The following GXYLT2 variants were observed in gnomAD, a reference collection of about 807,000 sequenced individuals.
GXYLT2 encodes glucoside xylosyltransferase 2, also known as glycosyltransferase 8 domain containing 4.
A neutral mutation model predicts 45.8 loss-of-function variants in GXYLT2; 53 were observed. The ratio of observed to expected loss-of-function variants is 1.16; its 90% CI spans 0.93 to 1.46. GXYLT2 has a LOEUF of 1.46. Ranked by LOEUF, GXYLT2 falls within the 40% of genes most tolerant of loss-of-function variation. The pLI is 0.00. For missense variants in GXYLT2, 551 were observed against 544.4 expected (o/e 1.01, Z -0.12); for synonymous variants, 219 against 214.2 (o/e 1.02, Z -0.19).
intron 2 of GXYLT2, among the ~76,000 whole-genome samples, chr3:72,917,067 G>C (rs765939371): frequency 3.3e-5 from 5 of 152,134 alleles, no homozygotes; most frequent in Non-Finnish European, 7.3e-5. Context: ...CCTTTCGGAA[G>C]ATAGGATGCT....
chr3:72,930,554 A>G (rs1438103537), intron 3 of GXYLT2, among the ~76,000 whole-genome samples: 1 of 148,688 alleles, frequency 6.7e-6, no homozygotes, highest in Non-Finnish European at 1.5e-5. Context: ...AGTAGGAGAT[A>G]TGAGTGCCCC....
At chr3:72,947,447 A>T (rs972039016) in intron 3 of GXYLT2, among the ~76,000 whole-genome samples, 1 of 152,182 alleles carries the variant, frequency 6.6e-6, no homozygotes, top group African/African-American at 2.4e-5. Flanking sequence ...GGAGAGGTAG[A>T]CGGAGTGTGT....
chr3:72,963,472 G>A (rs952617992), intron 5 of GXYLT2, among the ~76,000 whole-genome samples: 3 of 151,522 alleles, frequency 2.0e-5, no homozygotes, highest in South Asian at 2.1e-4. Flanking sequence ...TTGGGAGGCC[G>A]AGGCAGGCAG....
chr3:72,903,357 A>G (rs1709443166), intron 1 of GXYLT2, among the ~76,000 whole-genome samples: 1 of 152,204 alleles, frequency 6.6e-6, no homozygotes, highest in Non-Finnish European at 1.5e-5. Flanking sequence ...AAACTTGAGA[A>G]ACTATCAAAA....
chr3:72,929,942 G>T (rs1709996097), intron 3 of GXYLT2, among the ~76,000 whole-genome samples: 2 of 152,140 alleles, frequency 1.3e-5, no homozygotes, highest in Non-Finnish European at 2.9e-5. Context: ...CAAGGCAGGT[G>T]GATCACCTGA....
At chr3:72,967,487 C>A in intron 5 of GXYLT2, 60 bp from the exon 6 acceptor site, 1 of 1,296,336 alleles carries the variant, frequency 7.7e-7, no homozygotes, top group Non-Finnish European at 1.1e-6. Context: ...AATCGTGCCA[C>A]ATGTGCATGA....
rs902892233 is a variant in GXYLT2, at chr3:72,936,245, T to A, written c.600+13910T>A. Among the ~76,000 whole-genome samples the A allele has an allele frequency of 2.7e-5, 4 of 150,828 alleles. No individual in the cohort carries two copies. The South Asian group carries it at 8.3e-4, about 31-fold the overall frequency. On this transcript the variant is annotated intron_variant, in intron 3 of 6. Transcript: ENST00000389617. The stretch of plus-strand genomic sequence containing the variant: ...AGGCGGAGGTTGCAGTGAGCCAAGA[T>A]TGCGCCATTGCGCTCCAGCCTGGGT...
rs369835040 is a variant in GXYLT2, at chr3:72,908,463, G to T, written c.372G>T (p.Thr124=). Residue 124 remains threonine (T), a synonymous_variant, in exon 2 of 7, where the codon ACG becomes ACT. Transcript: ENST00000389617. ...VVACGNRLEE[T]LVMLKSAVLF... is the part of the protein sequence containing the mutation. ...CCTGTGGCAATCGGCTGGAGGAGAC[G>T]CTGGTCATGCTCAAATCAGCTGTGC... is the stretch of plus-strand genomic sequence containing the variant. The T allele has an allele frequency of 4.3e-6, 7 of 1,613,914 alleles. No homozygotes were observed. The highest frequency in any genetic ancestry group is 5.9e-6 in the Non-Finnish European group (7 of 1,179,836).
At chr3:72,929,684 C>T (rs572827517) in intron 3 of GXYLT2, 49 of 658,244 alleles carry the variant, frequency 7.4e-5, no homozygotes, top group African/African-American at 6.7e-4. Flanking sequence ...TTTACTTTTT[C>T]TATAAGTTGC....
intron 2 of GXYLT2, among the ~76,000 whole-genome samples, chr3:72,921,603 G>T (rs1341522933): frequency 6.6e-6 from 1 of 151,704 alleles, no homozygotes; most frequent in Admixed American, 6.6e-5. Flanking sequence ...TAATTTTTGT[G>T]TTTTTTAGTA....
At position 72,943,523 on chromosome 3, in the gene GXYLT2, C is replaced by A. The variant is rs1013243653; in HGVS notation, c.601-11575C>A. Among the ~76,000 whole-genome samples, 4 of 151,506 alleles carry A rather than the reference C, an allele frequency of 2.6e-5. No individual in the cohort carries two copies. The East Asian group carries it at 7.8e-4, about 30-fold the overall frequency. ...TCCCGAGTAGCTGGGACCACAGGCA[C>A]GCCCCACCACGCCTGGCTAACTTTT... On this transcript the variant is annotated intron_variant, in intron 3 of 6. Transcript: ENST00000389617.
chr3:72,895,925 T>C (rs1420882315), intron 1 of GXYLT2, among the ~76,000 whole-genome samples: 3 of 152,226 alleles, frequency 2.0e-5, no homozygotes, highest in African/African-American at 7.2e-5. Flanking sequence ...ATCCAAGCTT[T>C]ACATAAGACA....
intron 3 of GXYLT2, among the ~76,000 whole-genome samples, chr3:72,926,255 C>T (rs571257877): frequency 1.3e-5 from 2 of 152,340 alleles, no homozygotes; most frequent in Non-Finnish European, 1.5e-5. Flanking sequence ...GTCTTTGCAA[C>T]TCAAGCCAAT....
chr3:72,925,473 CAT>C (rs1358227576), intron 3 of GXYLT2, among the ~76,000 whole-genome samples: 3 of 152,200 alleles, frequency 2.0e-5, no homozygotes, highest in African/African-American at 7.2e-5. Flanking sequence ...CTGTTCTTCA[CAT>C]GTCACAGACC....
At position 72,888,082 on chromosome 3, in the gene GXYLT2, GCCGCCGGCCGC is replaced by G. The variant is rs1297902912; in HGVS notation, c.-139_-129del. Reference sequence around the variant, plus strand: ...CTCCTCCTCCTTCGCCGTCGCCGCCGCCGCCGGCCGCCCGCCGGCCGCCACGACCCCAGTCC... The same window carrying G: ...CTCCTCCTCCTTCGCCGTCGCCGCCGCCGCCGGCCGCCACGACCCCAGTCC... On this transcript the variant is annotated 5_prime_UTR_variant, in exon 1 of 7. Coordinates refer to ENST00000389617, the MANE Select transcript of GXYLT2 (RefSeq NM_001080393.2). 9.0e-5 allele frequency: 28 copies of G among 309,498 alleles called. No homozygotes were observed. Among genetic ancestry groups the G allele is most frequent in the South Asian group, 1.2e-4 (1 of 8,424 alleles). The allele number at this position is 309,498 out of a possible 1,614,324, so 19.2% of individuals were successfully genotyped here.
chr3:72,911,522 C>A (rs936921250), intron 2 of GXYLT2, among the ~76,000 whole-genome samples: 1 of 152,122 alleles, frequency 6.6e-6, no homozygotes, highest in African/African-American at 2.4e-5. Context: ...CCTTCCATCT[C>A]GGATCAGTGG....
chr3:72,960,032 G>C (rs1265626376), intron 5 of GXYLT2, among the ~76,000 whole-genome samples: 1 of 152,126 alleles, frequency 6.6e-6, no homozygotes, highest in African/African-American at 2.4e-5. Flanking sequence ...TGCAACCTCT[G>C]CCTCCTGGGT....
chr3:72,972,642 G>GAAA lies in GXYLT2; in HGVS notation c.1150-2318_1150-2316dup, dbSNP rs71126813. Among the ~76,000 whole-genome samples, 34 of 84,526 alleles carry GAAA rather than the reference G, an allele frequency of 4.0e-4. 1 individual carries two copies. The highest frequency in any genetic ancestry group is 1.5e-3 in the African/African-American group (28 of 18,872). The allele number at this position is 84,526 out of a possible 152,430, so 55.5% of individuals were successfully genotyped here. ...GGTGACAGAGCAAGACTCTGTCTCGGAAAAAAAAAAAAAAAAAAAGAAGCA... is the reference window on the plus strand; with the variant it reads ...GGTGACAGAGCAAGACTCTGTCTCGGAAAAAAAAAAAAAAAAAAAAAAGAAGCA... On this transcript the variant is annotated intron_variant, in intron 6 of 6. Transcript: ENST00000389617.
chr3:72,945,220 G>C (rs1254918581), intron 3 of GXYLT2, among the ~76,000 whole-genome samples: 1 of 151,948 alleles, frequency 6.6e-6, no homozygotes, highest in Non-Finnish European at 1.5e-5. Flanking sequence ...CCCGGGAGGC[G>C]GAGCTTGCAG....
Sources: gnomAD v4.1 joint callset for allele counts (sites outside exome capture counted in the v4.1 genomes callset) on GRCh38, gnomAD v4.1.1 for gene constraint, MANE v1.5 for transcripts, NCBI Gene and HGNC (gene_info 2026-07-23, HGNC 2026-07-21) for gene names.